Variants in SMAP1 observed in about 807,000 individuals in gnomAD.
The protein encoded by SMAP1 is small ArfGAP 1, also known as stromal membrane-associated protein 1.
Under a neutral mutation model 58.5 loss-of-function variants are expected in SMAP1, and 24 were observed. The observed-to-expected ratio is 0.41, with a 90% CI of 0.30 to 0.58. SMAP1 has a LOEUF of 0.58. Among genes scored for constraint, SMAP1 ranks in the 20% least tolerant of loss-of-function variants. The pLI is 0.29. For missense variants in SMAP1, 563 were observed against 566.3 expected (o/e 0.99, Z 0.06); for synonymous variants, 216 against 196.6 (o/e 1.10, Z -0.82).
intron 7 of SMAP1, among the ~76,000 whole-genome samples, chr6:70,851,119 T>C (rs529588229): frequency 5.3e-5 from 8 of 152,328 alleles, no homozygotes; most frequent in African/African-American, 1.7e-4. Flanking sequence ...TGTGATAATG[T>C]GATATCACTG....
chr6:70,765,643 TACC>T (rs1329223265), intron 3 of SMAP1, among the ~76,000 whole-genome samples: 1 of 152,194 alleles, frequency 6.6e-6, no homozygotes, highest in African/African-American at 2.4e-5. Context: ...AGGACTTTCT[TACC>T]ACATCATTTA....
chr6:70,774,370 A>G (rs1180323203), intron 4 of SMAP1, among the ~76,000 whole-genome samples: 1 of 152,198 alleles, frequency 6.6e-6, no homozygotes, highest in African/African-American at 2.4e-5. Context: ...TTTGATTCCT[A>G]GATTGATAAG....
chr6:70,858,984 TAGAG>T (rs921058828), intron 10 of SMAP1: 2 of 173,680 alleles, frequency 1.2e-5, no homozygotes, highest in East Asian at 1.6e-4. Flanking sequence ...CAAAGGCTCT[TAGAG>T]AGGTTCATGC....
At chr6:70,711,598 G>A (rs1238391196) in intron 1 of SMAP1, among the ~76,000 whole-genome samples, 1 of 149,674 alleles carries the variant, frequency 6.7e-6, no homozygotes, top group Non-Finnish European at 1.5e-5. Context: ...CGCGATCTCT[G>A]CTCACTGTGA....
intron 2 of SMAP1, among the ~76,000 whole-genome samples, chr6:70,754,747 A>G (rs989059227): frequency 2.0e-5 from 3 of 152,122 alleles, no homozygotes; most frequent in Admixed American, 1.3e-4. Flanking sequence ...AGACATTTAG[A>G]TTATGGACTA....
intron 6 of SMAP1, among the ~76,000 whole-genome samples, chr6:70,801,991 A>G (rs749566307): frequency 3.9e-5 from 6 of 152,142 alleles, no homozygotes; most frequent in African/African-American, 7.2e-5. Flanking sequence ...TTGACTTGGC[A>G]ATGCGGGCTC....
chr6:70,834,768 T>C (rs988048661), intron 6 of SMAP1, among the ~76,000 whole-genome samples: 15 of 152,216 alleles, frequency 9.9e-5, no homozygotes, highest in African/African-American at 2.7e-4. Flanking sequence ...TTGAAAAGAA[T>C]TCCTTTCTTC....
chr6:70,775,624 C>A (rs1003420023), intron 4 of SMAP1, among the ~76,000 whole-genome samples: 5 of 152,108 alleles, frequency 3.3e-5, no homozygotes, highest in African/African-American at 1.2e-4. Flanking sequence ...TAGTATTTGA[C>A]TAATATTAAT....
chr6:70,788,892 T>C (rs145459033), intron 4 of SMAP1, among the ~76,000 whole-genome samples: 165 of 152,250 alleles, frequency 1.1e-3, no homozygotes, highest in African/African-American at 3.9e-3. Context: ...GTATGGAGAA[T>C]AGATTTGGAG....
At chr6:70,748,222 A>C (rs1766128229) in intron 2 of SMAP1, among the ~76,000 whole-genome samples, 1 of 152,186 alleles carries the variant, frequency 6.6e-6, no homozygotes, top group Non-Finnish European at 1.5e-5. Context: ...ACTGCCATGA[A>C]GAATTTATCC....
intron 6 of SMAP1, 84 bp from the exon 7 acceptor site, chr6:70,836,856 AT>A: frequency 9.1e-7 from 1 of 1,103,252 alleles, no homozygotes; most frequent in Non-Finnish European, 1.3e-6. Flanking sequence ...CACTAACTTT[AT>A]CAGAACCCTG....
At chr6:70,816,593 T>G (rs987034800) in intron 6 of SMAP1, among the ~76,000 whole-genome samples, 28 of 152,210 alleles carry the variant, frequency 1.8e-4, no homozygotes, top group African/African-American at 6.5e-4. Context: ...CAGATTCATT[T>G]ATTTATTCAC....
chr6:70,836,259 AAGGAAG>A, intron 6 of SMAP1, among the ~76,000 whole-genome samples: 1 of 152,344 alleles, frequency 6.6e-6, no homozygotes, highest in South Asian at 2.1e-4. Flanking sequence ...GATGGAAGGC[AAGGAAG>A]AGCAAGTCAC....
At chr6:70,837,841 CCTT>C (rs1026461702) in intron 7 of SMAP1, 3 of 1,270,112 alleles carry the variant, frequency 2.4e-6, no homozygotes, top group African/African-American at 3.1e-5. Context: ...GAAGAGTTGA[CCTT>C]CATGTACTGC....
chr6:70,859,303 G>A (rs114484777), intron 10 of SMAP1: 1 of 1,515,696 alleles, frequency 6.6e-7, no homozygotes, highest in Admixed American at 2.1e-5. Flanking sequence ...AACCAGGAAG[G>A]AGTTAATACT....
chr6:70,725,503 G>A (rs1292265061), intron 1 of SMAP1, among the ~76,000 whole-genome samples: 1 of 152,090 alleles, frequency 6.6e-6, no homozygotes, highest in East Asian at 1.9e-4. Flanking sequence ...GCTAGTCAGT[G>A]CTCTTGCGTA....
chr6:70,796,996 T>A (rs1450600753), intron 5 of SMAP1, among the ~76,000 whole-genome samples: 1 of 152,202 alleles, frequency 6.6e-6, no homozygotes. Context: ...TGTCCTCTAC[T>A]TAAATGCTTT....
chr6:70,846,430 G>A (rs920853940), intron 7 of SMAP1, among the ~76,000 whole-genome samples: 1 of 152,180 alleles, frequency 6.6e-6, no homozygotes, highest in Non-Finnish European at 1.5e-5. Flanking sequence ...TGCCAGCGAG[G>A]AGTAAAGAGG....
chr6:70,669,696 A>G (rs985715768), intron 1 of SMAP1, among the ~76,000 whole-genome samples: 13 of 152,224 alleles, frequency 8.5e-5, no homozygotes, highest in African/African-American at 3.1e-4. Context: ...AAAGAAGCTG[A>G]AGCTAAATAG....
Sources: gnomAD v4.1 joint callset for allele counts (sites outside exome capture counted in the v4.1 genomes callset) on GRCh38, gnomAD v4.1.1 for gene constraint, MANE v1.5 for transcripts, NCBI Gene and HGNC (gene_info 2026-07-23, HGNC 2026-07-21) for gene names.